The following APMAP variants were observed in gnomAD, a reference collection of about 807,000 sequenced individuals.
The protein encoded by APMAP is adipocyte plasma membrane associated protein.
A neutral mutation model predicts 43.6 loss-of-function variants in APMAP; 33 were observed. That is an observed-to-expected ratio of 0.76 (90% confidence interval 0.57 to 1.01). The LOEUF (loss-of-function observed/expected upper bound fraction) is 1.01. APMAP is among the 50% of genes least tolerant of loss of function. The probability of loss-of-function intolerance (pLI) is 0.00; values close to 1 mark genes in which losing one functional copy is unlikely to be tolerated. For missense variants in APMAP, 498 were observed against 540.7 expected (o/e 0.92, Z 0.78); for synonymous variants, 224 against 216.7 (o/e 1.03, Z -0.30).
Position 24,984,039 on chromosome 20 carries a change from C to A in APMAP, c.96-20G>T. On this transcript the variant is annotated intron_variant, in intron 1 of 8. Coordinates refer to ENST00000217456, the MANE Select transcript of APMAP (RefSeq NM_020531.3). Reference sequence around the variant, plus strand: ...AAGGAGCTGCCAGAAATAAAAGATACAAAGGCAATCAGCTGAGTCTCAGAC... The same window carrying A: ...AAGGAGCTGCCAGAAATAAAAGATAAAAAGGCAATCAGCTGAGTCTCAGAC... The A allele has an allele frequency of 6.3e-7, 1 of 1,580,204 alleles. No individual in the cohort carries two copies. The highest frequency in any genetic ancestry group is 8.7e-7 in the Non-Finnish European group (1 of 1,150,188).
chr20:24,978,941 T>A, intron 2 of APMAP, 59 bp from the exon 3 acceptor site: 2 of 1,370,380 alleles, frequency 1.5e-6, no homozygotes, highest in Non-Finnish European at 2.1e-6. Context: ...AGAAAATGTG[T>A]ACCGAGCACC....
At chr20:24,968,005 C>T (rs2087961010) in intron 8 of APMAP, among the ~76,000 whole-genome samples, 1 of 152,256 alleles carries the variant, frequency 6.6e-6, no homozygotes, top group Admixed American at 6.5e-5. Context: ...CAGGACTCAG[C>T]AACTGCTGCC....
chr20:24,964,146 A>T lies in APMAP; in HGVS notation c.1042-124T>A, dbSNP rs901279357. ...CCTTCCCATGACAGGGCAGCCCCAC[A>T]GGGCAGTGCCCCACAGGACAGCTAA... On this transcript the variant is annotated intron_variant, in intron 8 of 8. Transcript: ENST00000217456. The T allele has an allele frequency of 6.8e-6, 7 of 1,030,256 alleles. No homozygotes were observed. In the South Asian group the frequency reaches 1.0e-4, roughly 15 times the overall value. 63.8% of individuals were successfully genotyped at this position (1,030,256 alleles called of 1,614,324 possible). A position where few individuals can be genotyped will look rare whatever the true frequency, so the allele number is the denominator to read the frequency against.
chr20:24,981,450 C>G (rs1296423796), intron 2 of APMAP, among the ~76,000 whole-genome samples: 1 of 152,196 alleles, frequency 6.6e-6, no homozygotes, highest in Non-Finnish European at 1.5e-5. Flanking sequence ...CTTCTGAGAA[C>G]CAGCTCTCTG....
Position 24,963,464 on chromosome 20 carries a change from C to T in APMAP, c.*349G>A. 3.4e-6 allele frequency: 1 copy of T among 291,214 alleles called. No homozygotes were observed. The highest frequency in any genetic ancestry group is 6.7e-6 in the Non-Finnish European group (1 of 150,196). 18.0% of individuals were successfully genotyped at this position (291,214 alleles called of 1,614,324 possible). On this transcript the variant is annotated 3_prime_UTR_variant, in exon 9 of 9. Coordinates refer to ENST00000217456, the MANE Select transcript of APMAP (RefSeq NM_020531.3). ...GCAGCAGCAAGCTCTCTGGGTAGTG[C>T]CTTACTGCTCCACCCACCTGAGCCC...
chr20:24,969,471 C>T (rs2087978723), intron 7 of APMAP, 55 bp downstream of exon 7: 1 of 1,552,722 alleles, frequency 6.4e-7, no homozygotes, highest in Middle Eastern at 2.2e-4. Context: ...CCACCCCACC[C>T]CGGCCATGAT....
At chr20:24,987,790 A>C (rs554618317) in intron 1 of APMAP, among the ~76,000 whole-genome samples, 1 of 152,214 alleles carries the variant, frequency 6.6e-6, no homozygotes, top group Non-Finnish European at 1.5e-5. Context: ...AGATGTTAAA[A>C]AAAAACAAAA....
intron 2 of APMAP, among the ~76,000 whole-genome samples, chr20:24,982,413 TTCC>T (rs1442196551): frequency 1.3e-5 from 2 of 152,248 alleles, no homozygotes; most frequent in Non-Finnish European, 1.5e-5. Context: ...CTTCCTTTCC[TTCC>T]TCATCAGGCT....
intron 2 of APMAP, among the ~76,000 whole-genome samples, chr20:24,980,639 T>C (rs923393598): frequency 1.4e-5 from 2 of 146,524 alleles, no homozygotes; most frequent in Non-Finnish European, 3.0e-5. Flanking sequence ...CAAGAGGCCA[T>C]GCTACCATGA....
intron 3 of APMAP, 23 bp downstream of exon 3, chr20:24,978,744 C>CTG (rs1555845601): frequency 3.1e-6 from 4 of 1,311,180 alleles, no homozygotes; most frequent in Non-Finnish European, 4.3e-6. Flanking sequence ...GAAGGCTCCC[C>CTG]CCCCACCCAA....
chr20:24,967,695 C>A (rs1349694307), intron 8 of APMAP, among the ~76,000 whole-genome samples: 1 of 152,232 alleles, frequency 6.6e-6, no homozygotes, highest in Non-Finnish European at 1.5e-5. Flanking sequence ...ATTCTTTCCA[C>A]TTTACAGACA....
At chr20:24,988,783 C>G (rs1331819595) in intron 1 of APMAP, among the ~76,000 whole-genome samples, 1 of 152,216 alleles carries the variant, frequency 6.6e-6, no homozygotes, top group African/African-American at 2.4e-5. Context: ...CATCCAGCCT[C>G]CACTGGAAAG....
At chr20:24,979,390 G>A (rs897386864) in intron 2 of APMAP, among the ~76,000 whole-genome samples, 1 of 152,166 alleles carries the variant, frequency 6.6e-6, no homozygotes, top group Non-Finnish European at 1.5e-5. Context: ...GCCACCTCCC[G>A]CTGATATTCT....
At chr20:24,980,157 C>T (rs946734149) in intron 2 of APMAP, among the ~76,000 whole-genome samples, 1 of 152,238 alleles carries the variant, frequency 6.6e-6, no homozygotes, top group Non-Finnish European at 1.5e-5. Context: ...CAGCATCTGG[C>T]ACCCAACATG....
chr20:24,977,825 T>G (rs2088063439), intron 3 of APMAP, among the ~76,000 whole-genome samples: 1 of 152,242 alleles, frequency 6.6e-6, no homozygotes. Context: ...AATGCCAATG[T>G]CTTTTTAAGA....
At chr20:24,965,909 T>G in intron 8 of APMAP, among the ~76,000 whole-genome samples, 1 of 152,154 alleles carries the variant, frequency 6.6e-6, no homozygotes, top group Non-Finnish European at 1.5e-5. Context: ...TCCTGTGGTG[T>G]TGTCATGGTT....
Position 24,970,238 on chromosome 20 carries a change from T to C in APMAP, c.672A>G (p.Arg224=), listed in dbSNP as rs115793571. The C allele has an allele frequency of 3.1e-3, 4,996 of 1,614,148 alleles. 120 individuals carry two copies. In the African/African-American group the frequency reaches 0.052, roughly 17 times the overall value. ...FTDSSSKWQR[R]DYLLLVMEGT... is the part of the protein sequence containing the mutation. ...CCTCCATCACCAGAAGCAGGTAGTCTCGTCTTTGCCATTTGCTGCTAGAAT... is the reference window on the plus strand; with the variant it reads ...CCTCCATCACCAGAAGCAGGTAGTCCCGTCTTTGCCATTTGCTGCTAGAAT... The change falls in exon 6 of 9, where the codon CGA becomes CGG. Residue 224 remains arginine (R), a synonymous_variant. Coordinates refer to ENST00000217456, the MANE Select transcript of APMAP (RefSeq NM_020531.3).
chr20:24,989,331 T>G (rs1017403450), intron 1 of APMAP, among the ~76,000 whole-genome samples: 5 of 152,154 alleles, frequency 3.3e-5, no homozygotes, highest in Admixed American at 6.5e-5. Flanking sequence ...CTACACTCTC[T>G]GAAGGCAAGA....
intron 3 of APMAP, among the ~76,000 whole-genome samples, chr20:24,974,001 G>A (rs8116161): frequency 0.015 from 2,243 of 152,302 alleles, 61 homozygotes; most frequent in African/African-American, 0.05. Flanking sequence ...AGTCAGTGAT[G>A]AGAACTGTGA....
Sources: allele counts gnomAD v4.1 joint callset (sites outside exome capture counted in the v4.1 genomes callset), GRCh38; gene constraint gnomAD v4.1.1; transcripts MANE v1.5; gene names NCBI Gene and HGNC (gene_info 2026-07-23, HGNC 2026-07-21).